The following NTM variants were observed in gnomAD, a reference collection of about 807,000 sequenced individuals.
NTM encodes the protein IgLON family member 2.
A neutral mutation model predicts 42.1 loss-of-function variants in NTM; 13 were observed. That is an observed-to-expected ratio of 0.31 (90% confidence interval 0.20 to 0.49). NTM has a LOEUF of 0.49. Among genes scored for constraint, NTM ranks in the 20% least tolerant of loss-of-function variants. NTM has a pLI of 0.99. For synonymous variants in NTM, 187 were observed against 179.2 expected (o/e 1.04, Z -0.35); for missense variants, 373 against 452.8 (o/e 0.82, Z 1.60).
chr11:131,493,093 T>C (rs1257642018), intron 1 of NTM, among the ~76,000 whole-genome samples: 2 of 151,916 alleles, frequency 1.3e-5, no homozygotes, highest in African/African-American at 4.8e-5. Context: ...CTGGGCTTGG[T>C]GGCACATGTC....
chr11:131,478,717 A>G (rs1171997196), intron 1 of NTM, among the ~76,000 whole-genome samples: 2 of 152,344 alleles, frequency 1.3e-5, no homozygotes, highest in East Asian at 3.9e-4. Context: ...ACACAGCTCT[A>G]TAGGAAGAGA....
intron 4 of NTM, among the ~76,000 whole-genome samples, chr11:132,292,809 A>AAC (rs2094494491): frequency 1.3e-5 from 2 of 151,254 alleles, no homozygotes; most frequent in Non-Finnish European, 2.9e-5. Context: ...AAAAAAAAAA[A>AAC]AAAACTAAAA....
chr11:131,522,706 T>C (rs1160536249), intron 1 of NTM, among the ~76,000 whole-genome samples: 1 of 152,240 alleles, frequency 6.6e-6, no homozygotes, highest in Non-Finnish European at 1.5e-5. Flanking sequence ...AAACTTCAAG[T>C]GTCCAAAACC....
chr11:131,378,254 A>G (rs1312905479), intron 1 of NTM, among the ~76,000 whole-genome samples: 1 of 152,204 alleles, frequency 6.6e-6, no homozygotes, highest in Non-Finnish European at 1.5e-5. Context: ...GGTAAGACAC[A>G]TCCCCTATAT....
chr11:132,077,052 G>T (rs2058459399), intron 2 of NTM, among the ~76,000 whole-genome samples: 1 of 152,188 alleles, frequency 6.6e-6, no homozygotes, highest in African/African-American at 2.4e-5. Flanking sequence ...ACATTAAGCT[G>T]ACTTGAGAAA....
chr11:131,908,756 G>A (rs920464508), intron 1 of NTM, among the ~76,000 whole-genome samples: 3 of 152,326 alleles, frequency 2.0e-5, no homozygotes, highest in African/African-American at 7.2e-5. Flanking sequence ...TCTTAACGTG[G>A]TGAAGTTTTT....
At chr11:132,328,156 C>A (rs2095722735) in intron 7 of NTM, among the ~76,000 whole-genome samples, 1 of 152,102 alleles carries the variant, frequency 6.6e-6, no homozygotes, top group South Asian at 2.1e-4. Flanking sequence ...AGCATGTGCA[C>A]CTTCTCCTTA....
intron 1 of NTM, among the ~76,000 whole-genome samples, chr11:131,444,141 G>A (rs1949834589): frequency 8.4e-6 from 1 of 118,764 alleles, no homozygotes; most frequent in Non-Finnish European, 1.6e-5. Context: ...GCTCATTTAA[G>A]AAAAGGTGGT....
At chr11:131,751,569 A>T (rs1469173884) in intron 1 of NTM, among the ~76,000 whole-genome samples, 1 of 149,840 alleles carries the variant, frequency 6.7e-6, no homozygotes, top group Admixed American at 6.7e-5. Context: ...TGGCCTGGGC[A>T]AAAGAGCAAG....
intron 1 of NTM, among the ~76,000 whole-genome samples, chr11:131,776,207 C>T (rs2086943230): frequency 6.6e-6 from 1 of 152,206 alleles, no homozygotes. Context: ...ACATTTGTGG[C>T]TCAAAGGCTT....
intron 1 of NTM, among the ~76,000 whole-genome samples, chr11:131,440,522 G>A (rs1949527351): frequency 2.0e-5 from 3 of 152,014 alleles, no homozygotes; most frequent in Admixed American, 1.3e-4. Context: ...AATCCCTGGG[G>A]AGCCTGGGAC....
intron 2 of NTM, among the ~76,000 whole-genome samples, chr11:132,068,902 A>T (rs1325347630): frequency 6.6e-6 from 1 of 152,260 alleles, no homozygotes; most frequent in Non-Finnish European, 1.5e-5. Flanking sequence ...AGACCCACCC[A>T]GATTATCCAG....
At chr11:132,228,410 A>G (rs2086763003) in intron 4 of NTM, among the ~76,000 whole-genome samples, 2 of 152,116 alleles carry the variant, frequency 1.3e-5, no homozygotes, top group South Asian at 4.1e-4. Flanking sequence ...TTGCCCATCT[A>G]ATCTTGGCTT....
rs554917551 is a variant in NTM at position 131,502,805 on chromosome 11, C to T, written c.82+131917C>T. On this transcript the variant is annotated intron_variant, in intron 1 of 8. Coordinates refer to ENST00000683400, the MANE Select transcript of NTM (RefSeq NM_001352005.2). ...CCAGGACCAGCCCGGCACATCAGAGCTGTGTAACACAGCATCTGATCGAAT... is the reference window on the plus strand; with the variant it reads ...CCAGGACCAGCCCGGCACATCAGAGTTGTGTAACACAGCATCTGATCGAAT... 6 of 152,352 alleles carry T rather than the reference C, an allele frequency of 3.9e-5. No individual in the cohort carries two copies. The East Asian group carries it at 1.2e-3, about 29-fold the overall frequency. The allele number at this position is 152,352 out of a possible 1,614,324, so 9.4% of individuals were successfully genotyped here.
chr11:131,940,092 T>G (rs2059635109), intron 2 of NTM, among the ~76,000 whole-genome samples: 1 of 152,250 alleles, frequency 6.6e-6, no homozygotes, highest in Admixed American at 6.5e-5. Context: ...CAGAGAGCTT[T>G]TCTCACTGTT....
intron 2 of NTM, among the ~76,000 whole-genome samples, chr11:131,953,427 A>G (rs2061233172): frequency 1.3e-5 from 2 of 152,214 alleles, no homozygotes; most frequent in Non-Finnish European, 2.9e-5. Flanking sequence ...GTGTATACAC[A>G]CAGTTAATAT....
intron 2 of NTM, among the ~76,000 whole-genome samples, chr11:132,072,226 A>G (rs2057775351): frequency 6.6e-6 from 1 of 152,224 alleles, no homozygotes; most frequent in Non-Finnish European, 1.5e-5. Flanking sequence ...AGCATACTGT[A>G]AAACAATATT....
chr11:131,378,305 AAG>A (rs776746822), intron 1 of NTM, among the ~76,000 whole-genome samples: 11 of 152,236 alleles, frequency 7.2e-5, no homozygotes, highest in Non-Finnish European at 1.5e-4. Flanking sequence ...CACTTGGACT[AAG>A]AGATTTTCAA....
rs1250725604 is a variant in NTM at position 131,843,090 on chromosome 11, A to G, written c.83-68474A>G. On this transcript the variant is annotated intron_variant, in intron 1 of 8. Transcript: ENST00000683400. ...GAATATTCCAAACATATAGGAAAAT[A>G]TGATGAATAATAAAAAAGTTGCTAG... is the stretch of plus-strand genomic sequence containing the variant. Among the ~76,000 whole-genome samples, 4 of 152,184 alleles carry G rather than the reference A, an allele frequency of 2.6e-5. No homozygotes were observed. In the East Asian group the frequency reaches 7.7e-4, roughly 29 times the overall value.
Sources: gnomAD v4.1 joint callset for allele counts (sites outside exome capture counted in the v4.1 genomes callset) on GRCh38, gnomAD v4.1.1 for gene constraint, MANE v1.5 for transcripts, NCBI Gene and HGNC (gene_info 2026-07-23, HGNC 2026-07-21) for gene names.